GALNT17: variants seen among roughly 807,000 people sequenced by gnomAD.
GALNT17 encodes UDP-GalNAc:polypeptide N-acetylgalactosaminyltransferase-like 3.
A neutral mutation model predicts 63.7 loss-of-function variants in GALNT17; 29 were observed. That is an observed-to-expected ratio of 0.46 (90% CI 0.34 to 0.62). The LOEUF is 0.62. Among genes scored for constraint, GALNT17 ranks in the 20% least tolerant of loss-of-function variants. The pLI is 0.01. For synonymous variants in GALNT17, 305 were observed against 318.3 expected (o/e 0.96, Z 0.45); for missense variants, 603 against 799.6 (o/e 0.75, Z 2.97).
chr7:71,613,462 C>G (rs997358257), intron 6 of GALNT17, among the ~76,000 whole-genome samples: 27 of 152,164 alleles, frequency 1.8e-4, no homozygotes, highest in African/African-American at 6.3e-4. Context: ...CAGCATTAAG[C>G]AGCCCTGGGA....
At chr7:71,374,466 CATT>C (rs1792683703) in intron 2 of GALNT17, among the ~76,000 whole-genome samples, 1 of 152,220 alleles carries the variant, frequency 6.6e-6, no homozygotes, top group South Asian at 2.1e-4. Context: ...CCAGTCTTCT[CATT>C]ATGAAGGCAA....
At chr7:71,474,892 G>C (rs1031777418) in intron 5 of GALNT17, among the ~76,000 whole-genome samples, 1 of 152,138 alleles carries the variant, frequency 6.6e-6, no homozygotes, top group African/African-American at 2.4e-5. Flanking sequence ...GGCCCTAGAA[G>C]GAGAGAGGCA....
At chr7:71,195,987 G>T (rs1789041557) in intron 1 of GALNT17, among the ~76,000 whole-genome samples, 1 of 152,116 alleles carries the variant, frequency 6.6e-6, no homozygotes, top group South Asian at 2.1e-4. Context: ...CTCTTCTCAT[G>T]TGTTGTCAGA....
chr7:71,619,634 A>G (rs1790263789), intron 6 of GALNT17, among the ~76,000 whole-genome samples: 1 of 152,178 alleles, frequency 6.6e-6, no homozygotes, highest in Non-Finnish European at 1.5e-5. Flanking sequence ...ATTTTTGTAC[A>G]TTGATTTTGT....
chr7:71,264,408 C>T (rs376424025), intron 1 of GALNT17, among the ~76,000 whole-genome samples: 14 of 152,206 alleles, frequency 9.2e-5, no homozygotes, highest in African/African-American at 3.4e-4. Context: ...AAGACAGTCA[C>T]GTTATTGAAC....
intron 1 of GALNT17, among the ~76,000 whole-genome samples, chr7:71,184,493 C>G (rs1050989640): frequency 1.3e-5 from 2 of 152,190 alleles, no homozygotes; most frequent in Non-Finnish European, 2.9e-5. Flanking sequence ...CACTTTACTG[C>G]AGGTAAATCC....
intron 1 of GALNT17, among the ~76,000 whole-genome samples, chr7:71,164,368 T>A (rs1018905618): frequency 6.6e-6 from 1 of 152,166 alleles, no homozygotes; most frequent in Non-Finnish European, 1.5e-5. Flanking sequence ...CTGACATTTA[T>A]CAGACAACCA....
chr7:71,317,808 G>C (rs576474284), intron 1 of GALNT17, among the ~76,000 whole-genome samples: 3 of 152,172 alleles, frequency 2.0e-5, no homozygotes, highest in Non-Finnish European at 4.4e-5. Context: ...CCCTAAGCTA[G>C]TGTCTTTATA....
At chr7:71,249,522 C>T (rs1790158905) in intron 1 of GALNT17, among the ~76,000 whole-genome samples, 1 of 152,130 alleles carries the variant, frequency 6.6e-6, no homozygotes, top group East Asian at 1.9e-4. Flanking sequence ...ATAAGCAATG[C>T]TTCAAATTTA....
chr7:71,643,194 C>A (rs968028479), intron 6 of GALNT17, among the ~76,000 whole-genome samples: 2 of 151,628 alleles, frequency 1.3e-5, no homozygotes, highest in African/African-American at 4.9e-5. Flanking sequence ...ACAGGCCAGG[C>A]GAAGAGGCTC....
chr7:71,173,059 G>C (rs1390275276), intron 1 of GALNT17, among the ~76,000 whole-genome samples: 2 of 152,200 alleles, frequency 1.3e-5, no homozygotes, highest in Non-Finnish European at 2.9e-5. Context: ...GTTTTAAGAA[G>C]GTAGAAGTCT....
intron 2 of GALNT17, among the ~76,000 whole-genome samples, chr7:71,342,049 C>T (rs547834094): frequency 5.2e-4 from 79 of 152,270 alleles, no homozygotes; most frequent in African/African-American, 1.9e-3. Flanking sequence ...CTTAACTCCT[C>T]GTTCAAAAAG....
At chr7:71,376,883 C>G (rs1039617790) in intron 2 of GALNT17, among the ~76,000 whole-genome samples, 2 of 151,028 alleles carry the variant, frequency 1.3e-5, no homozygotes, top group African/African-American at 4.9e-5. Context: ...GTCAGGAGTT[C>G]AAGACCAGCC....
At chr7:71,220,060 C>A (rs547150815) in intron 1 of GALNT17, among the ~76,000 whole-genome samples, 1 of 152,336 alleles carries the variant, frequency 6.6e-6, no homozygotes, top group African/African-American at 2.4e-5. Context: ...AAGGGAGCCA[C>A]GTCTTTGGTG....
chr7:71,410,694 A>G (rs575718360), intron 3 of GALNT17, among the ~76,000 whole-genome samples: 1 of 152,302 alleles, frequency 6.6e-6, no homozygotes, highest in Admixed American at 6.5e-5. Flanking sequence ...GAATTCTGTA[A>G]TGTTCTTTGC....
intron 6 of GALNT17, among the ~76,000 whole-genome samples, chr7:71,626,576 A>G (rs1790379921): frequency 6.6e-6 from 1 of 152,176 alleles, no homozygotes; most frequent in Admixed American, 6.5e-5. Context: ...TAGAAGCTGA[A>G]TGACCACTAT....
At chr7:71,226,677 G>A (rs935596146) in intron 1 of GALNT17, among the ~76,000 whole-genome samples, 7 of 151,842 alleles carry the variant, frequency 4.6e-5, no homozygotes, top group African/African-American at 1.5e-4. Context: ...ATACGGTTTC[G>A]CCATGTTGGC....
intron 1 of GALNT17, among the ~76,000 whole-genome samples, chr7:71,157,106 G>A (rs1788250512): frequency 6.6e-6 from 1 of 151,772 alleles, no homozygotes; most frequent in Non-Finnish European, 1.5e-5. Context: ...ACAGGTGTGA[G>A]CCACTGTGCA....
intron 5 of GALNT17, among the ~76,000 whole-genome samples, chr7:71,537,043 A>G (rs1271051676): frequency 1.3e-5 from 2 of 152,022 alleles, no homozygotes; most frequent in Admixed American, 6.6e-5. Flanking sequence ...CTGAGATGTC[A>G]TGTTCATCCC....
Sources: allele counts gnomAD v4.1 joint callset (sites outside exome capture counted in the v4.1 genomes callset), GRCh38; gene constraint gnomAD v4.1.1; transcripts MANE v1.5; gene names NCBI Gene and HGNC (gene_info 2026-07-23, HGNC 2026-07-21).